Variants in PIK3C2B observed in about 807,000 individuals in gnomAD.
PIK3C2B encodes phosphatidylinositol-4-phosphate 3-kinase catalytic subunit type 2 beta.
Under a neutral mutation model 184.3 loss-of-function variants are expected in PIK3C2B, and 83 were observed. The ratio of observed to expected loss-of-function variants is 0.45; its 90% CI spans 0.38 to 0.54. The LOEUF is 0.54. PIK3C2B is among the 20% of genes least tolerant of loss of function. The pLI is 0.00. For missense variants in PIK3C2B, 1,736 were observed against 2,113.5 expected (o/e 0.82, Z 3.50); for synonymous variants, 779 against 837.6 (o/e 0.93, Z 1.21).
Position 204,424,261 on chromosome 1 carries a change from G to C in PIK3C2B, c.*591C>G, listed in dbSNP as rs531152790. ...CCCTCCCCAACCTGTCCTTAGAGAG[G>C]GCTCTGGCCGAGGACCCACTGGGCC... On this transcript the variant is annotated 3_prime_UTR_variant, in exon 33 of 33. Coordinates refer to ENST00000684373, the MANE Select transcript of PIK3C2B (RefSeq NM_001377334.1). The C allele has an allele frequency of 3.8e-4, 71 of 186,530 alleles. No individual in the cohort carries two copies. The highest frequency in any genetic ancestry group is 1.6e-3 in the African/African-American group (67 of 41,860). 11.6% of individuals were successfully genotyped at this position (186,530 alleles called of 1,614,324 possible). A position where few individuals can be genotyped will look rare whatever the true frequency, so the allele number is the denominator to read the frequency against.
intron 2 of PIK3C2B, 113 bp downstream of exon 2, chr1:204,468,757 A>T: frequency 2.1e-6 from 2 of 937,302 alleles, no homozygotes; most frequent in Non-Finnish European, 3.2e-6. Context: ...AGGGTAGGAG[A>T]GGCCTAAAGG....
At chr1:204,487,725 G>A (rs1417404953) in intron 1 of PIK3C2B, among the ~76,000 whole-genome samples, 11 of 152,126 alleles carry the variant, frequency 7.2e-5, no homozygotes, top group Admixed American at 6.5e-4. Context: ...TATATATTAA[G>A]ACGCTGGGAA....
In PIK3C2B at chr1:204,441,500, G is replaced by A; in HGVS notation, c.3220C>T (p.Leu1074=). The stretch of plus-strand genomic sequence containing the variant: ...AAGATGACACGGATGTTCTCACCCA[G>A]GGGATCCACATTTTGGAAGGAGAGT... ...LKLSFQNVDP[L]GENIRVIFKC... The change falls in exon 21 of 33, where the codon CTG becomes TTG. Residue 1074 remains leucine, a synonymous_variant. Transcript: ENST00000684373. 1 of 1,612,538 alleles carries A rather than the reference G, an allele frequency of 6.2e-7. No homozygotes were observed. The highest frequency in any genetic ancestry group is 8.5e-7 in the Non-Finnish European group (1 of 1,178,558).
chr1:204,456,978 G>C, intron 10 of PIK3C2B, 59 bp downstream of exon 10: 3 of 1,449,388 alleles, frequency 2.1e-6, no homozygotes, highest in Non-Finnish European at 2.8e-6. Context: ...AAGGAATCGG[G>C]GCAGAGACTG....
intron 28 of PIK3C2B, 100 bp downstream of exon 28, chr1:204,431,569 A>G: frequency 2.8e-6 from 4 of 1,443,810 alleles, no homozygotes; most frequent in South Asian, 2.3e-5. Flanking sequence ...GTTTAGTCCA[A>G]AAGGGTATTT....
At chr1:204,432,458 G>A (rs758626570) in intron 26 of PIK3C2B, 57 bp from the exon 27 acceptor site, 25 of 1,375,246 alleles carry the variant, frequency 1.8e-5, no homozygotes, top group Middle Eastern at 1.8e-4. Flanking sequence ...CTGCTGCCTC[G>A]ACAGGGGTGT....
chr1:204,434,705 T>C, intron 23 of PIK3C2B, 97 bp from the exon 24 acceptor site: 1 of 904,598 alleles, frequency 1.1e-6, no homozygotes, highest in Non-Finnish European at 1.7e-6. Flanking sequence ...AGCCCTGGCC[T>C]CTCTCTCTTC....
intron 14 of PIK3C2B, 22 bp downstream of exon 14, chr1:204,449,163 G>A (rs772691662): frequency 9.3e-6 from 14 of 1,507,192 alleles, no homozygotes; most frequent in Non-Finnish European, 1.3e-5. Context: ...TGGTGACTGG[G>A]AGGGAAGGGC....
intron 1 of PIK3C2B, among the ~76,000 whole-genome samples, chr1:204,486,273 T>C (rs901063569): frequency 1.3e-5 from 2 of 151,566 alleles, no homozygotes; most frequent in African/African-American, 4.9e-5. Context: ...TGCGCGCCAG[T>C]AATCCCAGCT....
intron 1 of PIK3C2B, among the ~76,000 whole-genome samples, chr1:204,473,494 G>C (rs1408072887): frequency 6.6e-6 from 1 of 152,240 alleles, no homozygotes; most frequent in Non-Finnish European, 1.5e-5. Context: ...GGAGCTGGGA[G>C]ACTAGTCCCA....
At chr1:204,482,412 G>A (rs1201328986) in intron 1 of PIK3C2B, among the ~76,000 whole-genome samples, 2 of 152,174 alleles carry the variant, frequency 1.3e-5, no homozygotes, top group South Asian at 4.1e-4. Context: ...GGTCAGTCAA[G>A]GACACTGAAC....
chr1:204,450,047 G>T, intron 12 of PIK3C2B, 30 bp from the exon 13 acceptor site: 2 of 1,517,538 alleles, frequency 1.3e-6, no homozygotes, highest in Non-Finnish European at 1.8e-6. Flanking sequence ...AAATTAGGAG[G>T]GGCCACTCCT....
At position 204,465,256 on chromosome 1, in the gene PIK3C2B, C is replaced by G; in HGVS notation, c.997G>C (p.Asp333His). The stretch of plus-strand genomic sequence containing the variant: ...TGGCAAAATGCAGCAACCTCCTCAT[C>G]TCTCTCTTCTGAGACCTCAAACAAC... ...HELFEVSEER[D>H]EEVAAFCHML... Residue 333 changes from aspartate to histidine, a missense_variant, in exon 3 of 33, where the codon GAT (aspartate) becomes CAT (histidine). Coordinates refer to ENST00000684373, the MANE Select transcript of PIK3C2B (RefSeq NM_001377334.1). 1.3e-6 allele frequency: 2 copies of G among 1,532,582 alleles called. No individual in the cohort carries two copies. The highest frequency in any genetic ancestry group is 1.8e-6 in the Non-Finnish European group (2 of 1,131,018). 94.9% of individuals were successfully genotyped at this position (1,532,582 alleles called of 1,614,324 possible).
chr1:204,431,481 T>TG (rs1342826876), intron 28 of PIK3C2B, 188 bp downstream of exon 28: 4 of 652,618 alleles, frequency 6.1e-6, no homozygotes, highest in Non-Finnish European at 1.1e-5. Context: ...TGAGAGCTCT[T>TG]GCGTGCAAGG....
intron 1 of PIK3C2B, among the ~76,000 whole-genome samples, chr1:204,493,292 G>T (rs1185604407): frequency 6.6e-6 from 1 of 152,156 alleles, no homozygotes; most frequent in Non-Finnish European, 1.5e-5. Context: ...ACTTCTTGGA[G>T]CCCGGGTAGC....
At chr1:204,446,258 A>G (rs1390378464) in intron 15 of PIK3C2B, 114 bp from the exon 16 acceptor site, 8 of 593,704 alleles carry the variant, frequency 1.3e-5, no homozygotes, top group South Asian at 1.3e-4. Context: ...ACACACTGCA[A>G]TTCAGCGGTT....
At chr1:204,486,078 C>T (rs1411403270) in intron 1 of PIK3C2B, among the ~76,000 whole-genome samples, 1 of 152,170 alleles carries the variant, frequency 6.6e-6, no homozygotes, top group South Asian at 2.1e-4. Context: ...CTACAAAGCA[C>T]TTTTATAGAC....
In PIK3C2B at chr1:204,427,762, G is replaced by C. The variant is rs1674826441; in HGVS notation, c.4481-8C>G. ...GCCGGGCCCATGTGCCATCTGTAGG[G>C]ACAAATGAAACCATGAAGGGTCAAG... On this transcript the variant is annotated splice_polypyrimidine_tract_variant and splice_region_variant and intron_variant, in intron 30 of 32. Coordinates refer to ENST00000684373, the MANE Select transcript of PIK3C2B (RefSeq NM_001377334.1). 6.2e-7 allele frequency: 1 copy of C among 1,602,190 alleles called. No individual in the cohort carries two copies. The highest frequency in any genetic ancestry group is 1.3e-5 in the African/African-American group (1 of 74,668).
At chr1:204,441,657 CGCT>C in intron 20 of PIK3C2B, 94 bp from the exon 21 acceptor site, 1 of 717,738 alleles carries the variant, frequency 1.4e-6, no homozygotes, top group South Asian at 1.9e-5. Flanking sequence ...GCTGCCTCCC[CGCT>C]GCTGCCGGTC....
Sources: allele counts gnomAD v4.1 joint callset (sites outside exome capture counted in the v4.1 genomes callset), GRCh38; gene constraint gnomAD v4.1.1; transcripts MANE v1.5; gene names NCBI Gene and HGNC (gene_info 2026-07-23, HGNC 2026-07-21).